ANO1: variants seen among roughly 807,000 people sequenced by gnomAD.
ANO1 encodes anoctamin-1.
ANO1 carries 59 observed loss-of-function variants against 124.0 expected under a neutral mutation model. The observed-to-expected ratio is 0.48, with a 90% confidence interval of 0.39 to 0.59. ANO1 has a LOEUF of 0.59. Ranked by LOEUF, ANO1 falls within the 20% of genes least tolerant of loss-of-function variation. ANO1 has a pLI of 0.00. For missense variants in ANO1, 1,059 were observed against 1,328.0 expected (o/e 0.80, Z 3.15); for synonymous variants, 529 against 532.0 (o/e 0.99, Z 0.08).
At chr11:70,085,563 G>T in intron 1 of ANO1, 1 of 1,536,018 alleles carries the variant, frequency 6.5e-7, no homozygotes, top group South Asian at 1.2e-5. Context: ...CTGTTTCCAG[G>T]AGAGGCATCC....
intron 1 of ANO1, among the ~76,000 whole-genome samples, chr11:70,006,304 C>G (rs921349896): frequency 2.0e-5 from 3 of 152,204 alleles, no homozygotes; most frequent in African/African-American, 7.2e-5. Flanking sequence ...TTTTCCCCCT[C>G]CCATCATGAC....
At position 70,031,108 on chromosome 11, in the gene ANO1, C is replaced by A. The variant is rs547969253; in HGVS notation, c.58+44942C>A. Among the ~76,000 whole-genome samples, 6 of 152,264 alleles carry A rather than the reference C, an allele frequency of 3.9e-5. No homozygotes were observed. In the East Asian group the frequency reaches 1.2e-3, roughly 30 times the overall value. Reference sequence around the variant, plus strand: ...TACAGGCATGTGCCACCATACCCAGCTAATTTTTGCGTTTTTCGTAGAGAT... The same window carrying A: ...TACAGGCATGTGCCACCATACCCAGATAATTTTTGCGTTTTTCGTAGAGAT... On this transcript the variant is annotated intron_variant, in intron 1 of 27. Coordinates refer to the ANO1 transcript ENST00000531349.
At chr11:69,985,546 G>T (rs1330034175), upstream of ANO1, among the ~76,000 whole-genome samples, 3 of 152,158 alleles carry the variant, frequency 2.0e-5, no homozygotes, top group East Asian at 1.9e-4. Flanking sequence ...GAACCGCCCC[G>T]CGCCCAGGGC....
chr11:70,152,192 C>T (rs1180847492), intron 12 of ANO1, among the ~76,000 whole-genome samples: 4 of 151,954 alleles, frequency 2.6e-5, no homozygotes, highest in Non-Finnish European at 5.9e-5. Context: ...AAAAATTAGC[C>T]GGGCGTGGTG....
intron 15 of ANO1, 84 bp from the exon 16 acceptor site, chr11:70,156,863 G>A (rs768131611): frequency 9.1e-5 from 112 of 1,237,332 alleles, no homozygotes; most frequent in Non-Finnish European, 1.1e-4. Context: ...GCCCATGCAC[G>A]CACGCACATG....
chr11:70,165,133 C>T (rs2048203055), intron 19 of ANO1, among the ~76,000 whole-genome samples: 1 of 152,102 alleles, frequency 6.6e-6, no homozygotes, highest in South Asian at 2.1e-4. Flanking sequence ...CTACGGAAGC[C>T]CTCATGGTTC....
intron 1 of ANO1, among the ~76,000 whole-genome samples, chr11:70,009,165 A>G (rs1223138677): frequency 2.0e-5 from 3 of 152,198 alleles, no homozygotes; most frequent in Non-Finnish European, 4.4e-5. Context: ...ATTTATGCCA[A>G]TTTGGAAATC....
At chr11:70,001,308 G>A (rs1856378047) in intron 1 of ANO1, among the ~76,000 whole-genome samples, 1 of 152,154 alleles carries the variant, frequency 6.6e-6, no homozygotes, top group East Asian at 1.9e-4. Flanking sequence ...GTTGAGATGA[G>A]AAAACTGTAC....
chr11:70,110,469 A>G (rs763539957), intron 6 of ANO1, among the ~76,000 whole-genome samples: 4 of 152,104 alleles, frequency 2.6e-5, no homozygotes, highest in African/African-American at 9.7e-5. Context: ...TACAGGCGTG[A>G]GCCACTGTGC....
At chr11:70,032,342 C>T (rs1375381777) in intron 1 of ANO1, among the ~76,000 whole-genome samples, 1 of 152,084 alleles carries the variant, frequency 6.6e-6, no homozygotes, top group Non-Finnish European at 1.5e-5. Flanking sequence ...CAGTGATGGT[C>T]GTCGGGGAGA....
intron 1 of ANO1, among the ~76,000 whole-genome samples, chr11:70,006,652 C>CTTTT (rs1565158811): frequency 8.9e-6 from 1 of 111,836 alleles, no homozygotes; most frequent in Non-Finnish European, 1.8e-5. Flanking sequence ...TTCTTTCTTT[C>CTTTT]TTTCTTCTTT....
intron 1 of ANO1, among the ~76,000 whole-genome samples, chr11:70,018,718 G>A (rs568061545): frequency 2.0e-5 from 3 of 152,310 alleles, no homozygotes; most frequent in East Asian, 1.9e-4. Context: ...GTAGCCCATC[G>A]GACAGATACT....
At chr11:70,047,809 A>G (rs1555005849) in intron 1 of ANO1, among the ~76,000 whole-genome samples, 3 of 152,250 alleles carry the variant, frequency 2.0e-5, no homozygotes. Context: ...TACCTGAGAC[A>G]GGGCAAATGA....
chr11:70,000,037 T>C (rs1160988368), intron 1 of ANO1, among the ~76,000 whole-genome samples: 1 of 152,150 alleles, frequency 6.6e-6, no homozygotes. Flanking sequence ...GCTGCCAAGA[T>C]AAAGTCTCAG....
chr11:70,100,996 G>A (rs1470181647), intron 2 of ANO1, among the ~76,000 whole-genome samples: 2 of 152,176 alleles, frequency 1.3e-5, no homozygotes, highest in South Asian at 4.1e-4. Context: ...GCAGCCGGGG[G>A]CCTCACCATC....
intron 1 of ANO1, among the ~76,000 whole-genome samples, chr11:70,012,693 ATCCATCCATCCATCCATCCATTAT>A (rs1565160364): frequency 6.7e-6 from 1 of 148,248 alleles, no homozygotes; most frequent in East Asian, 2.0e-4. Flanking sequence ...CCTTTCCTTC[ATCCATCCATCCATCCATCCATTAT>A]TCCATCCATC....
In ANO1 at chr11:70,123,419, G is replaced by A. The variant is rs112053484; in HGVS notation, c.898-931G>A. ...TACCCCAGAGGAGACGCTCAGGCAC[G>A]CGAGGCTATGTCAGCTGTGGAGATG... On this transcript the variant is annotated intron_variant, in intron 8 of 25. Transcript: ENST00000355303. Among the ~76,000 whole-genome samples, 666 of 152,330 alleles carry A rather than the reference G, an allele frequency of 4.4e-3. 3 individuals are homozygous for A. The highest frequency in any genetic ancestry group is 6.5e-3 in the Non-Finnish European group (445 of 68,008).
At chr11:70,048,274 T>G (rs937846131) in intron 1 of ANO1, among the ~76,000 whole-genome samples, 1 of 152,228 alleles carries the variant, frequency 6.6e-6, no homozygotes. Flanking sequence ...TATTTAATAA[T>G]CTATCTAGTT....
intron 1 of ANO1, among the ~76,000 whole-genome samples, chr11:70,024,475 C>T (rs189214422): frequency 3.9e-5 from 6 of 152,288 alleles, no homozygotes; most frequent in Non-Finnish European, 5.9e-5. Context: ...CTCTTCTCAA[C>T]GGAGCTTCAG....
Sources: gnomAD v4.1 joint callset for allele counts (sites outside exome capture counted in the v4.1 genomes callset) on GRCh38, gnomAD v4.1.1 for gene constraint, MANE v1.5 for transcripts, NCBI Gene and HGNC (gene_info 2026-07-23, HGNC 2026-07-21) for gene names.